The following ASIC1 variants were observed in gnomAD, a reference collection of about 807,000 sequenced individuals.
The protein encoded by ASIC1 is acid sensing ion channel subunit 1, also known as acid-sensing ion channel 1.
A neutral mutation model predicts 63.4 loss-of-function variants in ASIC1; 21 were observed. The observed-to-expected ratio is 0.33, with a 90% CI of 0.23 to 0.48. The LOEUF (loss-of-function observed/expected upper bound fraction) is 0.48. ASIC1 is among the 20% of genes least tolerant of loss of function. The pLI is 0.99. For synonymous variants in ASIC1, 258 were observed against 278.2 expected (o/e 0.93, Z 0.72); for missense variants, 478 against 695.5 (o/e 0.69, Z 3.52).
At chr12:50,075,016 C>G (rs1950640332) in intron 3 of ASIC1, among the ~76,000 whole-genome samples, 2 of 151,902 alleles carry the variant, frequency 1.3e-5, no homozygotes, top group South Asian at 2.1e-4. Context: ...TTCTGCTTGG[C>G]CCCCCACCCA....
intron 3 of ASIC1, among the ~76,000 whole-genome samples, chr12:50,063,937 C>T (rs1950523469): frequency 6.6e-6 from 1 of 152,102 alleles, no homozygotes; most frequent in African/African-American, 2.4e-5. Context: ...GAGGGCCTGA[C>T]CTTACTACTG....
chr12:50,060,039 G>A, intron 3 of ASIC1, 85 bp downstream of exon 3: 1 of 1,495,236 alleles, frequency 6.7e-7, no homozygotes, highest in East Asian at 2.3e-5. Context: ...CTCTCCGGGT[G>A]CTTGCTACTC....
Position 50,074,093 on chromosome 12 carries a change from G to T in ASIC1, c.559-3120G>T. On this transcript the variant is annotated intron_variant, in intron 3 of 11. Coordinates refer to ENST00000447966, the MANE Select transcript of ASIC1 (RefSeq NM_001095.4). The surrounding 1 kb of genome is among the most constrained non-coding windows in gnomAD (Gnocchi z 4.2). ...GGACTGGATGAAAGTGATGACCCCGGGGTGCCCCTCGCTCCACCGGGCCCT... is the reference window on the plus strand; with the variant it reads ...GGACTGGATGAAAGTGATGACCCCGTGGTGCCCCTCGCTCCACCGGGCCCT... 6.5e-7 allele frequency: 1 copy of T among 1,535,586 alleles called. No homozygotes were observed. The highest frequency in any genetic ancestry group is 1.2e-5 in the South Asian group (1 of 83,986).
chr12:50,059,609 C>T lies in ASIC1; in HGVS notation c.363-150C>T. On this transcript the variant is annotated intron_variant, in intron 2 of 11. Coordinates refer to ENST00000447966, the MANE Select transcript of ASIC1 (RefSeq NM_001095.4). The surrounding 1 kb of genome is among the most constrained non-coding windows in gnomAD (Gnocchi z 4.6). The stretch of plus-strand genomic sequence containing the variant: ...ACAGTTCCTCCTGTCATTTCAGACC[C>T]ATGTGGTAGAGCCTCTGCATGCCCA... The T allele has an allele frequency of 1.3e-6, 1 of 790,112 alleles. No individual in the cohort carries two copies. The highest frequency in any genetic ancestry group is 2.0e-6 in the Non-Finnish European group (1 of 505,634). 48.9% of individuals were successfully genotyped at this position (790,112 alleles called of 1,614,324 possible). A position where few individuals can be genotyped will look rare whatever the true frequency, so the allele number is the denominator to read the frequency against.
intron 3 of ASIC1, among the ~76,000 whole-genome samples, chr12:50,067,479 A>G (rs1035314169): frequency 6.8e-6 from 1 of 147,908 alleles, no homozygotes; most frequent in African/African-American, 2.5e-5. Context: ...GCACCATCTC[A>G]GCTCACTGCA....
chr12:50,072,711 T>G (rs1393675827), intron 3 of ASIC1, among the ~76,000 whole-genome samples: 1 of 151,944 alleles, frequency 6.6e-6, no homozygotes, highest in Non-Finnish European at 1.5e-5. Flanking sequence ...GGAGACAGGG[T>G]CCCTCCCCCT....
intron 3 of ASIC1, chr12:50,070,619 C>T (rs1363339998): frequency 1.3e-5 from 2 of 152,200 alleles, no homozygotes; most frequent in East Asian, 1.9e-4. Flanking sequence ...TTAGCTGCTT[C>T]CTTCTGGAAA....
chr12:50,079,873 A>C, intron 7 of ASIC1, 29 bp from the exon 8 acceptor site: 1 of 1,580,452 alleles, frequency 6.3e-7, no homozygotes, highest in East Asian at 2.2e-5. Flanking sequence ...GCACCACTCA[A>C]CTGAGACCTC....
At chr12:50,073,669 C>G (rs1009423847) in intron 3 of ASIC1, 7 of 1,536,238 alleles carry the variant, frequency 4.6e-6, no homozygotes, top group African/African-American at 4.1e-5. Context: ...GGGTCCCCAC[C>G]ACCATCAGCA....
Position 50,067,519 on chromosome 12 carries a change from C to T in ASIC1, c.558+7565C>T, listed in dbSNP as rs568720705. ...CCGCCTCCTGGGTTCAAGCAATTCT[C>T]CTGCCTCAGCCTCCTGAGTAGCTGG... is the stretch of plus-strand genomic sequence containing the variant. On this transcript the variant is annotated intron_variant, in intron 3 of 11. Coordinates refer to ENST00000447966, the MANE Select transcript of ASIC1 (RefSeq NM_001095.4). Among the ~76,000 whole-genome samples, 148 of 151,940 alleles carry T rather than the reference C, an allele frequency of 9.7e-4. 1 individual carries two copies. The highest frequency in any genetic ancestry group is 3.4e-3 in the African/African-American group (143 of 41,470).
rs1286450838 is a variant in ASIC1, at chr12:50,059,048, C to T, written c.282C>T (p.Asn94=). The part of the protein sequence containing the change: ...QLTFPAVTLC[N]LNEFRFSQVS... ...CCTTCCCTGCTGTCACGCTGTGCAA[C>T]CTCAACGAGTTCCGCTTTAGCCAAG... Residue 94 remains asparagine (N), a synonymous_variant, in exon 2 of 12, where the codon AAC becomes AAT. Coordinates refer to ENST00000447966, the MANE Select transcript of ASIC1 (RefSeq NM_001095.4). This position sits in a 1 kb window ranked among gnomAD's most constrained non-coding sequence, Gnocchi z 4.6. 1.9e-6 allele frequency: 3 copies of T among 1,614,194 alleles called. No individual in the cohort carries two copies. The highest frequency in any genetic ancestry group is 2.2e-5 in the South Asian group (2 of 91,086).
At chr12:50,072,638 T>TC in intron 3 of ASIC1, among the ~76,000 whole-genome samples, 1 of 151,898 alleles carries the variant, frequency 6.6e-6, no homozygotes. Context: ...ACTAAACTGT[T>TC]CGGGGGGCGG....
intron 3 of ASIC1, among the ~76,000 whole-genome samples, chr12:50,067,382 A>G (rs1023314905): frequency 6.6e-6 from 1 of 150,598 alleles, no homozygotes; most frequent in Non-Finnish European, 1.5e-5. Context: ...AGCATTTAAA[A>G]TAGTTGCCCA....
intron 3 of ASIC1, among the ~76,000 whole-genome samples, chr12:50,072,204 C>T (rs1950606351): frequency 6.6e-6 from 1 of 152,168 alleles, no homozygotes; most frequent in African/African-American, 2.4e-5. Context: ...GGAACATGGC[C>T]TGGGGCTAGG....
intron 3 of ASIC1, among the ~76,000 whole-genome samples, chr12:50,065,372 T>C (rs1950536607): frequency 6.6e-6 from 1 of 152,158 alleles, no homozygotes; most frequent in Non-Finnish European, 1.5e-5. Flanking sequence ...GCTCCTGGTC[T>C]CTATTTTGGG....
At chr12:50,077,107 T>C (rs747057342) in intron 3 of ASIC1, 106 bp from the exon 4 acceptor site, 14 of 1,566,370 alleles carry the variant, frequency 8.9e-6, no homozygotes, top group Non-Finnish European at 1.1e-5. Context: ...GGAGGAACCA[T>C]TCCCAAAGGG....
At chr12:50,070,687 A>G (rs706790) in intron 3 of ASIC1, 50,867 of 152,148 alleles carry the variant, frequency 0.33, 9,513 homozygotes, top group Middle Eastern at 0.44. Context: ...CTCTAGTGGG[A>G]ACGCATGGGC....
At chr12:50,077,894 CCAGTG>C in intron 4 of ASIC1, 101 bp from the exon 5 acceptor site, 1 of 1,502,236 alleles carries the variant, frequency 6.7e-7, no homozygotes, top group East Asian at 2.3e-5. Flanking sequence ...CACCCCAGCC[CCAGTG>C]CACCCTATGC....
At chr12:50,061,738 C>T (rs897410787) in intron 3 of ASIC1, among the ~76,000 whole-genome samples, 2 of 152,318 alleles carry the variant, frequency 1.3e-5, no homozygotes, top group Non-Finnish European at 2.9e-5. Context: ...TCAGTTGAGG[C>T]TCCATCTGTC....
Sources: allele counts gnomAD v4.1 joint callset (sites outside exome capture counted in the v4.1 genomes callset), GRCh38; gene constraint gnomAD v4.1.1; non-coding constraint Gnocchi (gnomAD v3.1); transcripts MANE v1.5; gene names NCBI Gene and HGNC (gene_info 2026-07-23, HGNC 2026-07-21).